The following TXNDC11 variants were observed in gnomAD, a reference collection of about 807,000 sequenced individuals.
TXNDC11 encodes thioredoxin domain containing 11.
In TXNDC11, 68 loss-of-function variants were observed where a neutral mutation model predicts 78.0. The ratio of observed to expected loss-of-function variants is 0.87; its 90% CI spans 0.72 to 1.07. The LOEUF is 1.07. Ranked by LOEUF, TXNDC11 falls within the 50% of genes least tolerant of loss-of-function variation. The probability of loss-of-function intolerance (pLI) is 0.00; values close to 1 mark genes in which losing one functional copy is unlikely to be tolerated. For missense variants in TXNDC11, 1,389 were observed against 1,221.8 expected (o/e 1.14, Z -2.04); for synonymous variants, 571 against 495.2 (o/e 1.15, Z -2.03).
At chr16:11,731,739 T>G (rs2052057482) in intron 3 of TXNDC11, among the ~76,000 whole-genome samples, 1 of 151,606 alleles carries the variant, frequency 6.6e-6, no homozygotes, top group African/African-American at 2.4e-5. Flanking sequence ...ACACAATTCT[T>G]CCATGTGCAC....
intron 4 of TXNDC11, among the ~76,000 whole-genome samples, chr16:11,723,529 G>A (rs1271652345): frequency 6.6e-6 from 1 of 151,976 alleles, no homozygotes; most frequent in African/African-American, 2.4e-5. Context: ...AGGTTGCAGT[G>A]AGCCAAGATC....
chr16:11,718,924 C>A (rs1335290252), intron 5 of TXNDC11, among the ~76,000 whole-genome samples: 2 of 152,136 alleles, frequency 1.3e-5, no homozygotes, highest in Non-Finnish European at 2.9e-5. Context: ...TAATTTTTAA[C>A]CATTTATCCC....
At chr16:11,689,809 G>A (rs1032105791) in intron 8 of TXNDC11, among the ~76,000 whole-genome samples, 1 of 152,008 alleles carries the variant, frequency 6.6e-6, no homozygotes, top group Non-Finnish European at 1.5e-5. Flanking sequence ...AAAAATGCTT[G>A]TTTCATTTTA....
chr16:11,718,532 C>T (rs912962706), intron 5 of TXNDC11, among the ~76,000 whole-genome samples: 1 of 151,924 alleles, frequency 6.6e-6, no homozygotes. Flanking sequence ...CCTCTTACTG[C>T]ACATCTGCTG....
In TXNDC11 at chr16:11,742,703, C is replaced by G. The variant is rs1047032172; in HGVS notation, c.28G>C (p.Gly10Arg). The change falls in exon 1 of 12, where the codon GGC becomes CGC. Residue 10 changes from glycine (G) to arginine (R), a missense_variant. Coordinates refer to ENST00000283033, the MANE Select transcript of TXNDC11 (RefSeq NM_015914.7). Reference protein sequence around the residue: MSECGGRGGGSSSSEDAEDE... With the variant: MSECGGRGGRSSSSEDAEDE... The stretch of plus-strand genomic sequence containing the variant: ...TCGGCGTCCTCGCTGCTGCTGCTGC[C>G]GCCGCCGCGGCCTCCGCATTCCGAC... 7.5e-6 allele frequency: 11 copies of G among 1,473,586 alleles called. No homozygotes were observed. In the African/African-American group the frequency reaches 8.8e-5, roughly 12 times the overall value. The allele number at this position is 1,473,586 out of a possible 1,614,324, so 91.3% of individuals were successfully genotyped here.
intron 3 of TXNDC11, among the ~76,000 whole-genome samples, chr16:11,731,687 TCA>T (rs34570874): frequency 0.12 from 16,457 of 143,002 alleles, 1,014 homozygotes; most frequent in East Asian, 0.17. Context: ...TTACAGAAAT[TCA>T]CACACACACA....
chr16:11,722,575 G>A (rs898692533), intron 4 of TXNDC11, among the ~76,000 whole-genome samples: 7 of 152,216 alleles, frequency 4.6e-5, no homozygotes, highest in African/African-American at 1.4e-4. Context: ...TCTAGTGGCT[G>A]AATGAACAGC....
At chr16:11,696,820 A>G (rs2050872048) in intron 7 of TXNDC11, among the ~76,000 whole-genome samples, 1 of 152,130 alleles carries the variant, frequency 6.6e-6, no homozygotes, top group South Asian at 2.1e-4. Flanking sequence ...AGGTGCCTAA[A>G]TCCAACCACA....
rs909441121 is a variant in TXNDC11, at chr16:11,737,809, C to T, written c.255-1576G>A. Among the ~76,000 whole-genome samples, 7 of 147,602 alleles carry T rather than the reference C, an allele frequency of 4.7e-5. No individual in the cohort carries two copies. The South Asian group carries it at 1.3e-3, about 28-fold the overall frequency. On this transcript the variant is annotated intron_variant, in intron 1 of 11. Transcript: ENST00000283033. ...TAGGTTGCAGTGAGCCAAGATCATG[C>T]CATTGCACTCAGCCTCGGCAACAGA... is the stretch of plus-strand genomic sequence containing the variant.
chr16:11,733,342 G>A (rs186193856), intron 3 of TXNDC11, among the ~76,000 whole-genome samples: 1 of 151,924 alleles, frequency 6.6e-6, no homozygotes, highest in Non-Finnish European at 1.5e-5. Context: ...GGACATGGGC[G>A]GTAAAACCCT....
chr16:11,707,938 G>A (rs781676514), intron 5 of TXNDC11, among the ~76,000 whole-genome samples: 12 of 151,604 alleles, frequency 7.9e-5, no homozygotes, highest in East Asian at 2.0e-4. Context: ...TTAAAAATTC[G>A]CTGAGCGTGA....
chr16:11,731,997 C>T (rs1339054559), intron 3 of TXNDC11, among the ~76,000 whole-genome samples: 1 of 152,126 alleles, frequency 6.6e-6, no homozygotes, highest in Non-Finnish European at 1.5e-5. Flanking sequence ...AAACCTCAAC[C>T]ACTCAGGCCA....
intron 5 of TXNDC11, among the ~76,000 whole-genome samples, chr16:11,702,901 A>G (rs574174367): frequency 1.3e-5 from 2 of 152,272 alleles, no homozygotes; most frequent in East Asian, 3.9e-4. Context: ...GCCAGAGTCA[A>G]TAATTTTTCA....
intron 5 of TXNDC11, among the ~76,000 whole-genome samples, chr16:11,709,033 C>A (rs1236718996): frequency 6.6e-6 from 1 of 152,092 alleles, no homozygotes; most frequent in Non-Finnish European, 1.5e-5. Context: ...AAAAAACCTT[C>A]GAAGAAATGT....
chr16:11,733,034 G>A (rs112069438), intron 3 of TXNDC11, among the ~76,000 whole-genome samples: 3,170 of 152,214 alleles, frequency 0.021, 56 homozygotes, highest in Non-Finnish European at 0.034. Context: ...GGTCTGGGCT[G>A]TACTCTAGTA....
At chr16:11,682,785 T>G (rs550760122) in intron 11 of TXNDC11, among the ~76,000 whole-genome samples, 1 of 152,086 alleles carries the variant, frequency 6.6e-6, no homozygotes, top group Admixed American at 6.5e-5. Context: ...CAGTCAGCAG[T>G]AGAAAAGGGT....
chr16:11,683,747 A>G (rs1303521111), intron 11 of TXNDC11, among the ~76,000 whole-genome samples: 2 of 131,202 alleles, frequency 1.5e-5, no homozygotes, highest in African/African-American at 6.0e-5. Context: ...CCCTAAGGAC[A>G]CTTTTTTTTT....
intron 5 of TXNDC11, among the ~76,000 whole-genome samples, chr16:11,719,176 C>A (rs957537505): frequency 6.6e-6 from 1 of 152,198 alleles, no homozygotes; most frequent in South Asian, 2.1e-4. Context: ...ATGGCCTCTT[C>A]AGCTCACAAA....
rs146197324 is a variant in TXNDC11, at chr16:11,679,448, C to T, written c.2624G>A (p.Arg875His). The T allele has an allele frequency of 5.8e-4, 934 of 1,613,350 alleles. 4 individuals are homozygous for T. Among genetic ancestry groups the T allele is most frequent in the Non-Finnish European group, 4.1e-4 (482 of 1,179,802 alleles). The change falls in exon 12 of 12, where the codon CGC becomes CAC. Residue 875 changes from arginine to histidine, a missense_variant. By Grantham distance (29) the Arg-to-His change is conservative (BLOSUM62 0). Transcript: ENST00000283033. The surrounding 1 kb of genome is among the most constrained non-coding windows in gnomAD (Gnocchi z 4.6). ...QKTRELQELA[R>H]KLQELADASE... ...GGCATCGGCCAGCTCCTGCAGCTTG[C>T]GGGCCAGCTCCTGCAGCTCACGTGT...
Sources: gnomAD v4.1 joint callset for allele counts (sites outside exome capture counted in the v4.1 genomes callset) on GRCh38, gnomAD v4.1.1 for gene constraint, Gnocchi (gnomAD v3.1) non-coding constraint, MANE v1.5 for transcripts, NCBI Gene and HGNC (gene_info 2026-07-23, HGNC 2026-07-21) for gene names.